The following NUDT4 variants were observed in gnomAD, a reference collection of about 807,000 sequenced individuals.
NUDT4 encodes nudix hydrolase 4.
Under a neutral mutation model 23.1 loss-of-function variants are expected in NUDT4, and 5 were observed. That is an observed-to-expected ratio of 0.22 (90% CI 0.11 to 0.46). NUDT4 has a LOEUF of 0.46. NUDT4 is among the 20% of genes least tolerant of loss of function. The pLI, the probability that NUDT4 is intolerant of heterozygous loss-of-function variation, is 0.99. For missense variants in NUDT4, 96 were observed against 211.6 expected, an observed-to-expected ratio of 0.45 and a Z score of 3.39; for synonymous variants, 50 against 79.0, an observed-to-expected ratio of 0.63 and a Z score of 1.95.
chr12:93,398,024 A>G (rs1290515015), intron 3 of NUDT4, among the ~76,000 whole-genome samples: 4 of 152,026 alleles, frequency 2.6e-5, no homozygotes, highest in African/African-American at 9.7e-5. Flanking sequence ...ATTGCATTCA[A>G]CTCTTAAGAT....
At position 93,407,421 on chromosome 12, in the gene NUDT4, TG is replaced by T. The variant is rs1185993437; in HGVS notation, c.*8043del. On this transcript the variant is annotated 3_prime_UTR_variant, in exon 5 of 5. Transcript: ENST00000415493. ...CTAGTGGGCAAACATGAAACACTTT[TG>T]TTGAATAATGTGTTTCCTTTAGCCC... is the stretch of plus-strand genomic sequence containing the variant. 6.6e-6 allele frequency: 1 copy of T among 152,244 alleles called. No homozygotes were observed. Among genetic ancestry groups the T allele is most frequent in the Non-Finnish European group, 1.5e-5 (1 of 68,066 alleles). The allele number at this position is 152,244 out of a possible 1,614,324, so 9.4% of individuals were successfully genotyped here. A position where few individuals can be genotyped will look rare whatever the true frequency, so the allele number is the denominator to read the frequency against.
intron 1 of NUDT4, among the ~76,000 whole-genome samples, chr12:93,385,942 TATATA>T (rs1281953901): frequency 8.0e-5 from 3 of 37,726 alleles, no homozygotes; most frequent in Non-Finnish European, 1.8e-4. Context: ...TAAATCTTTT[TATATA>T]TATATATATA....
At chr12:93,385,727 C>T (rs551738181) in intron 1 of NUDT4, among the ~76,000 whole-genome samples, 5 of 151,766 alleles carry the variant, frequency 3.3e-5, no homozygotes, top group Admixed American at 2.6e-4. Context: ...GATTGAGATT[C>T]TTCCACTTTT....
Position 93,404,879 on chromosome 12 carries a change from C to T in NUDT4, c.*5500C>T, listed in dbSNP as rs1339796756. The stretch of plus-strand genomic sequence containing the variant: ...CCCCACTGCCTGTTTGTACGGCCAA[C>T]AAGTTTAAAATTTTTTTAATGTTTT... On this transcript the variant is annotated 3_prime_UTR_variant, in exon 5 of 5. Coordinates refer to ENST00000415493, the MANE Select transcript of NUDT4 (RefSeq NM_019094.6). The T allele has an allele frequency of 1.3e-5, 2 of 150,786 alleles. No homozygotes were observed. Among genetic ancestry groups the T allele is most frequent in the East Asian group, 3.9e-4 (2 of 5,172 alleles). 9.3% of individuals were successfully genotyped at this position (150,786 alleles called of 1,614,324 possible).
At chr12:93,379,882 C>T (rs928288342) in intron 1 of NUDT4, among the ~76,000 whole-genome samples, 3 of 152,184 alleles carry the variant, frequency 2.0e-5, no homozygotes, top group African/African-American at 7.2e-5. Flanking sequence ...CAAAAGGGAT[C>T]AAGATAGATC....
At chr12:93,379,510 T>C (rs1875482628) in intron 1 of NUDT4, among the ~76,000 whole-genome samples, 1 of 152,210 alleles carries the variant, frequency 6.6e-6, no homozygotes. Context: ...CAGAATACAC[T>C]CAGTGGCTTA....
rs1038458710 is a variant in NUDT4, at chr12:93,402,572, C to T, written c.*3193C>T. The T allele has an allele frequency of 7.2e-5, 11 of 152,110 alleles. No homozygotes were observed. The highest frequency in any genetic ancestry group is 1.0e-4 in the Non-Finnish European group (7 of 68,032). The allele number at this position is 152,110 out of a possible 1,614,324, so 9.4% of individuals were successfully genotyped here. On this transcript the variant is annotated 3_prime_UTR_variant, in exon 5 of 5. Transcript: ENST00000415493. ...CTTCCTAGCGGTACATTTGTATGAT[C>T]CTTACTACTGGAATTACCGGGTTAA...
chr12:93,386,682 C>T (rs1319185618), intron 1 of NUDT4, among the ~76,000 whole-genome samples: 2 of 151,892 alleles, frequency 1.3e-5, no homozygotes, highest in South Asian at 2.1e-4. Context: ...AGTAAAAACA[C>T]GGACTGCTCA....
chr12:93,393,175 C>T (rs895585548), intron 1 of NUDT4, among the ~76,000 whole-genome samples: 3 of 136,280 alleles, frequency 2.2e-5, no homozygotes, highest in Admixed American at 7.5e-5. Context: ...GCTCACTGCT[C>T]ACTGCAACCT....
rs948578987 is a variant in NUDT4, at chr12:93,402,301, AACAC to A, written c.*2930_*2933del. The A allele has an allele frequency of 3.3e-5, 5 of 152,180 alleles. No individual in the cohort carries two copies. Among genetic ancestry groups the A allele is most frequent in the Non-Finnish European group, 5.9e-5 (4 of 68,016 alleles). The allele number at this position is 152,180 out of a possible 1,614,324, so 9.4% of individuals were successfully genotyped here. A position where few individuals can be genotyped will look rare whatever the true frequency, so the allele number is the denominator to read the frequency against. On this transcript the variant is annotated 3_prime_UTR_variant, in exon 5 of 5. Transcript: ENST00000415493. The stretch of plus-strand genomic sequence containing the variant: ...ATCATGGCTTTAAAAAAAAAACAAA[AACAC>A]ACACACATGAACTCAGATTTGCAAA...
intron 4 of NUDT4, 29 bp from the exon 5 acceptor site, chr12:93,399,148 C>A: frequency 5.2e-6 from 8 of 1,551,240 alleles, no homozygotes; most frequent in Non-Finnish European, 7.1e-6. Context: ...AATGGACTGT[C>A]TTGTAACCAA....
At chr12:93,387,901 C>G (rs1876224257) in intron 1 of NUDT4, among the ~76,000 whole-genome samples, 1 of 152,156 alleles carries the variant, frequency 6.6e-6, no homozygotes, top group Non-Finnish European at 1.5e-5. Context: ...CCAGTCTATT[C>G]TCTTATCTGG....
At chr12:93,382,083 C>T (rs969291705) in intron 1 of NUDT4, among the ~76,000 whole-genome samples, 4 of 152,120 alleles carry the variant, frequency 2.6e-5, no homozygotes, top group African/African-American at 7.2e-5. Context: ...ATGGCGAAAC[C>T]CTGTCTCTAC....
chr12:93,396,220 A>ATGT (rs1555194422), intron 3 of NUDT4, among the ~76,000 whole-genome samples: 1 of 151,888 alleles, frequency 6.6e-6, no homozygotes, highest in Admixed American at 6.6e-5. Flanking sequence ...CCCTTAGCAA[A>ATGT]TATTATATGA....
chr12:93,406,499 T>G lies in NUDT4; in HGVS notation c.*7120T>G, dbSNP rs1158277996. ...TTAATCTTATTTTTAAGTGCTTCTTTGAAATTGTTTTACAAGTACATTCTT... is the reference window on the plus strand; with the variant it reads ...TTAATCTTATTTTTAAGTGCTTCTTGGAAATTGTTTTACAAGTACATTCTT... On this transcript the variant is annotated 3_prime_UTR_variant, in exon 5 of 5. Transcript: ENST00000415493. 1 of 152,182 alleles carries G rather than the reference T, an allele frequency of 6.6e-6. No homozygotes were observed. Among genetic ancestry groups the G allele is most frequent in the African/African-American group, 2.4e-5 (1 of 41,432 alleles). The allele number at this position is 152,182 out of a possible 1,614,324, so 9.4% of individuals were successfully genotyped here.
At chr12:93,396,234 A>G (rs940591313) in intron 3 of NUDT4, among the ~76,000 whole-genome samples, 5 of 152,090 alleles carry the variant, frequency 3.3e-5, no homozygotes, top group African/African-American at 9.7e-5. Flanking sequence ...TATATGATAC[A>G]CCTAGTGACT....
At chr12:93,380,556 T>A (rs1337274560) in intron 1 of NUDT4, among the ~76,000 whole-genome samples, 2 of 152,122 alleles carry the variant, frequency 1.3e-5, no homozygotes, top group Non-Finnish European at 2.9e-5. Flanking sequence ...TTGAAGAGAG[T>A]GAGTCATCTT....
At chr12:93,385,058 C>T (rs1476128511) in intron 1 of NUDT4, 1 of 152,220 alleles carries the variant, frequency 6.6e-6, no homozygotes, top group Non-Finnish European at 1.5e-5. Flanking sequence ...CGTGAGCCAC[C>T]ATGGCCGGCC....
intron 1 of NUDT4, among the ~76,000 whole-genome samples, chr12:93,384,783 G>A (rs542391892): frequency 9.9e-4 from 150 of 151,016 alleles, no homozygotes; most frequent in African/African-American, 3.4e-3. Context: ...TTTTTTAAGA[G>A]TCTCACTCTG....
Sources: allele counts gnomAD v4.1 joint callset (sites outside exome capture counted in the v4.1 genomes callset), GRCh38; gene constraint gnomAD v4.1.1; transcripts MANE v1.5; gene names NCBI Gene and HGNC (gene_info 2026-07-23, HGNC 2026-07-21).